Variants in MAGI2 observed in about 807,000 individuals in gnomAD.
MAGI2 encodes the protein membrane-associated guanylate kinase, WW and PDZ domain-containing protein 2.
A neutral mutation model predicts 133.3 loss-of-function variants in MAGI2; 35 were observed. The observed-to-expected ratio is 0.26, with a 90% CI of 0.20 to 0.35. The LOEUF is 0.35. Ranked by LOEUF, MAGI2 falls within the 10% of genes least tolerant of loss-of-function variation. The pLI is 1.00. For synonymous variants in MAGI2, 729 were observed against 710.6 expected (o/e 1.03, Z -0.41); for missense variants, 1,636 against 1,863.4 (o/e 0.88, Z 2.25).
intron 1 of MAGI2, among the ~76,000 whole-genome samples, chr7:79,223,856 TTAAG>T (rs1002471325): frequency 7.2e-5 from 11 of 151,966 alleles, no homozygotes; most frequent in African/African-American, 2.4e-4. Flanking sequence ...GTTGGTATAA[TTAAG>T]TGAGTTATTA....
intron 21 of MAGI2, among the ~76,000 whole-genome samples, chr7:78,020,359 T>C (rs2018955): frequency 0.25 from 37,401 of 152,014 alleles, 5,269 homozygotes; most frequent in East Asian, 0.55. Context: ...GACCTTGGAA[T>C]CACCAGGGTG....
chr7:78,201,079 G>C (rs760588158), intron 11 of MAGI2, 83 bp downstream of exon 11: 11 of 861,480 alleles, frequency 1.3e-5, no homozygotes, highest in Non-Finnish European at 2.0e-5. Context: ...AAGAGATTTT[G>C]AGGTCACCCA....
chr7:78,284,213 T>G (rs1266084533), intron 9 of MAGI2, among the ~76,000 whole-genome samples: 1 of 152,220 alleles, frequency 6.6e-6, no homozygotes, highest in Middle Eastern at 3.4e-3. Context: ...GCTTAAACCT[T>G]CCCCTAGGCA....
intron 1 of MAGI2, among the ~76,000 whole-genome samples, chr7:79,450,189 T>C (rs936976877): frequency 8.5e-5 from 13 of 152,212 alleles, no homozygotes; most frequent in African/African-American, 3.1e-4. Context: ...ACGCAACTGC[T>C]AAACAAACCA....
At chr7:78,720,590 C>T (rs189560642) in intron 2 of MAGI2, among the ~76,000 whole-genome samples, 147 of 152,020 alleles carry the variant, frequency 9.7e-4, no homozygotes, top group African/African-American at 2.2e-3. Context: ...ATGAAGACCA[C>T]GAGAAATGGT....
rs144142486 is a variant in MAGI2 at position 78,889,159 on chromosome 7, C to T, written c.418+117931G>A. 5.5e-3 allele frequency among the ~76,000 whole-genome samples: 834 copies of T among 151,774 alleles called. 9 individuals are homozygous for T. Among genetic ancestry groups the T allele is most frequent in the African/African-American group, 0.018 (734 of 41,348 alleles). ...GGAAGATCAAATTAATAAAATGAAG[C>T]GAGAAGAGAAGTTTAGAGAAAAAAG... On this transcript the variant is annotated intron_variant, in intron 2 of 21. Transcript: ENST00000354212.
intron 1 of MAGI2, among the ~76,000 whole-genome samples, chr7:79,151,899 C>A (rs1367953949): frequency 1.4e-5 from 1 of 70,512 alleles, no homozygotes; most frequent in Admixed American, 1.2e-4. Flanking sequence ...TGTCTAAAGT[C>A]CAGAAATTAT....
intron 6 of MAGI2, among the ~76,000 whole-genome samples, chr7:78,372,075 T>C (rs1793973281): frequency 6.6e-6 from 1 of 152,146 alleles, no homozygotes; most frequent in South Asian, 2.1e-4. Flanking sequence ...TATGTATATG[T>C]ATATATGCAT....
chr7:79,229,280 T>C (rs1831146020), intron 1 of MAGI2, among the ~76,000 whole-genome samples: 2 of 152,152 alleles, frequency 1.3e-5, no homozygotes, highest in South Asian at 4.1e-4. Flanking sequence ...ACATTATTGT[T>C]TTTTTCTACC....
intron 20 of MAGI2, among the ~76,000 whole-genome samples, chr7:78,124,542 C>T (rs1563151701): frequency 6.6e-6 from 1 of 152,136 alleles, no homozygotes; most frequent in Non-Finnish European, 1.5e-5. Flanking sequence ...ATAACAGATT[C>T]AGCCATCAGG....
chr7:78,899,424 G>A (rs995825723), intron 2 of MAGI2, among the ~76,000 whole-genome samples: 1 of 152,158 alleles, frequency 6.6e-6, no homozygotes, highest in Non-Finnish European at 1.5e-5. Context: ...GTGATGGAAG[G>A]AAAATAGGCA....
chr7:78,772,211 T>A (rs1343610675), intron 2 of MAGI2, among the ~76,000 whole-genome samples: 1 of 152,172 alleles, frequency 6.6e-6, no homozygotes, highest in Non-Finnish European at 1.5e-5. Context: ...ATAGAAAAGA[T>A]ACGTAATCTG....
At chr7:79,136,116 AGAAAGAAAG>A (rs1481766223) in intron 1 of MAGI2, among the ~76,000 whole-genome samples, 3 of 151,152 alleles carry the variant, frequency 2.0e-5, no homozygotes, top group African/African-American at 4.9e-5. Flanking sequence ...AAAGAAAGAA[AGAAAGAAAG>A]AAAGACACAA....
At chr7:78,899,936 C>A (rs1343706444) in intron 2 of MAGI2, among the ~76,000 whole-genome samples, 3 of 152,128 alleles carry the variant, frequency 2.0e-5, no homozygotes, top group Non-Finnish European at 4.4e-5. Flanking sequence ...ATCACTCAAC[C>A]CTTCAATGAG....
intron 2 of MAGI2, among the ~76,000 whole-genome samples, chr7:78,819,524 G>A (rs1563542951): frequency 2.0e-5 from 3 of 151,856 alleles, no homozygotes; most frequent in South Asian, 2.1e-4. Flanking sequence ...TTTGTTAGAC[G>A]TCTCACATTT....
chr7:78,476,227 A>G (rs758712821), intron 6 of MAGI2, among the ~76,000 whole-genome samples: 51 of 152,096 alleles, frequency 3.4e-4, no homozygotes, highest in African/African-American at 1.2e-3. Flanking sequence ...ACTAAGTACT[A>G]GATTGGAAGG....
intron 2 of MAGI2, among the ~76,000 whole-genome samples, chr7:78,909,519 C>T (rs1584359823): frequency 7.0e-6 from 1 of 142,422 alleles, no homozygotes; most frequent in African/African-American, 2.6e-5. Flanking sequence ...AGGAGAATGG[C>T]GTGAACCCAG....
At chr7:79,121,582 G>A (rs539799223) in intron 1 of MAGI2, among the ~76,000 whole-genome samples, 15 of 151,926 alleles carry the variant, frequency 9.9e-5, no homozygotes, top group Non-Finnish European at 2.1e-4. Context: ...CTACTGTATC[G>A]CAAATGCATT....
intron 2 of MAGI2, among the ~76,000 whole-genome samples, chr7:78,776,965 T>C (rs1207896): frequency 0.33 from 49,622 of 152,026 alleles, 8,304 homozygotes; most frequent in South Asian, 0.47. Context: ...GCAGCTATGG[T>C]GTTTGCAGAG....
Sources: gnomAD v4.1 joint callset for allele counts (sites outside exome capture counted in the v4.1 genomes callset) on GRCh38, gnomAD v4.1.1 for gene constraint, MANE v1.5 for transcripts, NCBI Gene and HGNC (gene_info 2026-07-23, HGNC 2026-07-21) for gene names.